Variants in YBX2 observed in about 807,000 individuals in gnomAD.
YBX2 encodes the protein Y-box binding protein 2, also known as Y-box-binding protein 2.
YBX2 carries 5 observed loss-of-function variants against 44.4 expected under a neutral mutation model. That is an observed-to-expected ratio of 0.11 (90% CI 0.06 to 0.24). YBX2 has a LOEUF of 0.24. Ranked by LOEUF, YBX2 falls within the 10% of genes least tolerant of loss-of-function variation. YBX2 has a pLI of 1.00. For missense variants in YBX2, 417 were observed against 526.9 expected (o/e 0.79, Z 2.04); for synonymous variants, 188 against 216.1 (o/e 0.87, Z 1.14).
chr17:7,293,112 G>A (rs1293358078), intron 2 of YBX2: 1 of 340,660 alleles, frequency 2.9e-6, no homozygotes, highest in Non-Finnish European at 5.7e-6. Flanking sequence ...CAGGAAATCA[G>A]TTGAGGATTC....
Position 7,294,504 on chromosome 17 carries a change from G to T in YBX2, c.-4C>A. 6.8e-7 allele frequency: 1 copy of T among 1,466,970 alleles called. No homozygotes were observed. The highest frequency in any genetic ancestry group is 9.0e-7 in the Non-Finnish European group (1 of 1,111,168). The allele number at this position is 1,466,970 out of a possible 1,614,324, so 90.9% of individuals were successfully genotyped here. ...CTGCCGCCTCCACCTCGCTCATCCC[G>T]CCGGGTCCAGTACCGGCCACAGCCG... is the stretch of plus-strand genomic sequence containing the variant. On this transcript the variant is annotated 5_prime_UTR_variant, in exon 1 of 9. Coordinates refer to ENST00000007699, the MANE Select transcript of YBX2 (RefSeq NM_015982.4). This position sits in a 1 kb window ranked among gnomAD's most constrained non-coding sequence, Gnocchi z 4.6.
At chr17:7,293,668 G>A in intron 1 of YBX2, 130 bp from the exon 2 acceptor site, 1 of 1,534,326 alleles carries the variant, frequency 6.5e-7, no homozygotes, top group Non-Finnish European at 8.8e-7. Context: ...TTACCTTCAA[G>A]CCAACCAGGT....
intron 2 of YBX2, 188 bp from the exon 3 acceptor site, chr17:7,292,247 G>A: frequency 1.5e-6 from 1 of 680,374 alleles, no homozygotes; most frequent in Non-Finnish European, 2.6e-6. Context: ...TGTAAAGAGA[G>A]ATACACCTAA....
In YBX2 at chr17:7,294,322, G is replaced by A; in HGVS notation, c.179C>T (p.Ala60Val). 1 of 1,287,358 alleles carries A rather than the reference G, an allele frequency of 7.8e-7. No homozygotes were observed. Among genetic ancestry groups the A allele is most frequent in the East Asian group, 3.1e-5 (1 of 31,936 alleles). 79.7% of individuals were successfully genotyped at this position (1,287,358 alleles called of 1,614,324 possible). A position where few individuals can be genotyped will look rare whatever the true frequency, so the allele number is the denominator to read the frequency against. Residue 60 changes from alanine (A) to valine (V), a missense_variant, in exon 1 of 9, where the codon GCG becomes GTG. Coordinates refer to ENST00000007699, the MANE Select transcript of YBX2 (RefSeq NM_015982.4). The surrounding 1 kb of genome is among the most constrained non-coding windows in gnomAD (Gnocchi z 4.6). The part of the protein sequence containing the change: ...ASGPAAGTPS[A>V]PGSRTPGNPA... ...ATTGCCAGGGGTGCGGGAGCCCGGC[G>A]CCGAGGGGGTCCCAGCAGCGGGGCC...
chr17:7,292,520 G>A (rs1279656916), intron 2 of YBX2: 1 of 202,268 alleles, frequency 4.9e-6, no homozygotes, highest in East Asian at 1.1e-4. Flanking sequence ...GGCAGAACAA[G>A]TTTGAGAAGG....
intron 1 of YBX2, 24 bp from the exon 2 acceptor site, chr17:7,293,562 G>T (rs1190823633): frequency 1.2e-6 from 2 of 1,613,994 alleles, no homozygotes; most frequent in African/African-American, 2.7e-5. Context: ...ATGCAGTGGG[G>T]ACAGTGAGAT....
rs906118880 is a variant in YBX2 at position 7,291,704 on chromosome 17, C to T, written c.369+322G>A. On this transcript the variant is annotated intron_variant, in intron 3 of 8. Transcript: ENST00000007699. This position sits in a 1 kb window ranked among gnomAD's most constrained non-coding sequence, Gnocchi z 5.8. ...TTCGGATGTCAGGTGATGCTGCTGC[C>T]GCTGGTGCAGGGGCCACGCTTTGAG... The T allele has an allele frequency of 2.6e-5, 11 of 427,020 alleles. No homozygotes were observed. Among genetic ancestry groups the T allele is most frequent in the South Asian group, 1.9e-4 (8 of 42,110 alleles). 26.5% of individuals were successfully genotyped at this position (427,020 alleles called of 1,614,324 possible). A position where few individuals can be genotyped will look rare whatever the true frequency, so the allele number is the denominator to read the frequency against.
chr17:7,289,909 C>T, intron 6 of YBX2, 59 bp downstream of exon 6: 5 of 1,607,018 alleles, frequency 3.1e-6, no homozygotes, highest in Non-Finnish European at 4.3e-6. Flanking sequence ...CCTCCTGTCC[C>T]TTGCCCCAAG....
chr17:7,294,545 C>G lies in YBX2; in HGVS notation c.-45G>C. On this transcript the variant is annotated 5_prime_UTR_variant, in exon 1 of 9. Transcript: ENST00000007699. This position sits in a 1 kb window ranked among gnomAD's most constrained non-coding sequence, Gnocchi z 4.6. ...GCCACAGCCGCCACCGCCCCGGCCC[C>G]TCCCCCCGGCTCGCGAACCCACCGC... 1.4e-6 allele frequency: 2 copies of G among 1,407,366 alleles called. No homozygotes were observed. Among genetic ancestry groups the G allele is most frequent in the South Asian group, 1.4e-5 (1 of 71,408 alleles). The allele number at this position is 1,407,366 out of a possible 1,614,324, so 87.2% of individuals were successfully genotyped here.
rs972571840 is a variant in YBX2 at position 7,291,189 on chromosome 17, G to A, written c.370-7C>T. 1 of 1,613,864 alleles carries A rather than the reference G, an allele frequency of 6.2e-7. No individual in the cohort carries two copies. Among genetic ancestry groups the A allele is most frequent in the Non-Finnish European group, 8.5e-7 (1 of 1,179,918 alleles). On this transcript the variant is annotated splice_polypyrimidine_tract_variant and splice_region_variant and intron_variant, in intron 3 of 8. Coordinates refer to ENST00000007699, the MANE Select transcript of YBX2 (RefSeq NM_015982.4). The surrounding 1 kb of genome is among the most constrained non-coding windows in gnomAD (Gnocchi z 5.8). Reference sequence around the variant, plus strand: ...TGTTTCTTTTAATAGCTGTCTGATTGGGGAAAAGGCCATGTGAAAAGTGAG... The same window carrying A: ...TGTTTCTTTTAATAGCTGTCTGATTAGGGAAAAGGCCATGTGAAAAGTGAG...
At chr17:7,289,152 G>A (rs1597602555) in intron 7 of YBX2, among the ~76,000 whole-genome samples, 1 of 152,118 alleles carries the variant, frequency 6.6e-6, no homozygotes, top group Non-Finnish European at 1.5e-5. Flanking sequence ...ATGAGACATC[G>A]CGCAGGGCTG....
Position 7,290,089 on chromosome 17 carries a change from C to T in YBX2, c.745-18G>A, listed in dbSNP as rs1440323037. 3.7e-6 allele frequency: 6 copies of T among 1,613,714 alleles called. No homozygotes were observed. The East Asian group carries it at 8.9e-5, about 24-fold the overall frequency. On this transcript the variant is annotated intron_variant, in intron 5 of 8. Coordinates refer to ENST00000007699, the MANE Select transcript of YBX2 (RefSeq NM_015982.4). ...TCAGTGCCCTGGGAACATGCAAAGGCCCCGGTGAGCTGTGGGGACAGCAGC... is the reference window on the plus strand; with the variant it reads ...TCAGTGCCCTGGGAACATGCAAAGGTCCCGGTGAGCTGTGGGGACAGCAGC...
intron 2 of YBX2, 59 bp from the exon 3 acceptor site, chr17:7,292,118 T>C (rs368842249): frequency 6.2e-7 from 1 of 1,603,034 alleles, no homozygotes; most frequent in Non-Finnish European, 8.5e-7. Context: ...AGCTCCTCAC[T>C]GAGGTCCCCC....
chr17:7,289,566 C>A lies in YBX2; in HGVS notation c.1008G>T (p.Gln336His). The stretch of plus-strand genomic sequence containing the variant: ...CGGGCTGCCGGGGGCCAGGGGCCTG[C>A]TGGGGGCCAGGGGCCTGCTGCCGTC... ...QRRRQQAPGP[Q>H]QAPGPRQPAA... is the part of the protein sequence containing the mutation. The change falls in exon 7 of 9, where the codon CAG becomes CAT. Residue 336 changes from glutamine to histidine, a missense_variant. This residue lies in a region of YBX2 where 257 missense variants were observed against 261.7 expected (regional missense o/e 0.98). Coordinates refer to ENST00000007699, the MANE Select transcript of YBX2 (RefSeq NM_015982.4). The A allele has an allele frequency of 6.2e-7, 1 of 1,606,400 alleles. No individual in the cohort carries two copies. Among genetic ancestry groups the A allele is most frequent in the South Asian group, 1.1e-5 (1 of 90,752 alleles).
chr17:7,294,143 G>A lies in YBX2; in HGVS notation c.271+87C>T. On this transcript the variant is annotated intron_variant, in intron 1 of 8. Coordinates refer to ENST00000007699, the MANE Select transcript of YBX2 (RefSeq NM_015982.4). The surrounding 1 kb of genome is among the most constrained non-coding windows in gnomAD (Gnocchi z 4.6). ...TGGGCCTGCGGGCCAGGCCGCCTTT[G>A]GTTTTCCGGATCCTGCCGGGCTCCA... The A allele has an allele frequency of 8.2e-7, 1 of 1,224,988 alleles. No individual in the cohort carries two copies. Among genetic ancestry groups the A allele is most frequent in the Non-Finnish European group, 1.0e-6 (1 of 981,470 alleles). The allele number at this position is 1,224,988 out of a possible 1,614,324, so 75.9% of individuals were successfully genotyped here. A position where few individuals can be genotyped will look rare whatever the true frequency, so the allele number is the denominator to read the frequency against.
chr17:7,290,150 C>T (rs2072490293), intron 5 of YBX2, 79 bp from the exon 6 acceptor site: 1 of 1,611,084 alleles, frequency 6.2e-7, no homozygotes, highest in Non-Finnish European at 8.5e-7. Context: ...CTCTGCCCAA[C>T]CCTCAGTTCC....
In YBX2 at chr17:7,288,631, A is replaced by C; in HGVS notation, c.*52T>G. ...GGGTAGGGTACAGGTCATTTGGAAA[A>C]ACTGGCAGATACCTGAGAGAGAAAA... On this transcript the variant is annotated 3_prime_UTR_variant, in exon 9 of 9. Coordinates refer to ENST00000007699, the MANE Select transcript of YBX2 (RefSeq NM_015982.4). 1 of 832,260 alleles carries C rather than the reference A, an allele frequency of 1.2e-6. No homozygotes were observed. The highest frequency in any genetic ancestry group is 1.7e-5 in the South Asian group (1 of 60,530). The allele number at this position is 832,260 out of a possible 1,614,324, so 51.6% of individuals were successfully genotyped here. A position where few individuals can be genotyped will look rare whatever the true frequency, so the allele number is the denominator to read the frequency against.
At chr17:7,290,892 C>T (rs1036929690) in intron 4 of YBX2, among the ~76,000 whole-genome samples, 1 of 152,186 alleles carries the variant, frequency 6.6e-6, no homozygotes, top group Non-Finnish European at 1.5e-5. Context: ...GAAACCCAGA[C>T]ACTGCCGACC....
chr17:7,289,554 G>A lies in YBX2; in HGVS notation c.1020C>T (p.Gly340=). ...QQAPGPQQAP[G]PRQPAAPETS... ...CCTCAGGGGCTGCGGGCTGCCGGGG[G>A]CCAGGGGCCTGCTGGGGGCCAGGGG... Residue 340 remains glycine (G), a synonymous_variant, in exon 7 of 9, where the codon GGC becomes GGT. Coordinates refer to ENST00000007699, the MANE Select transcript of YBX2 (RefSeq NM_015982.4). The A allele has an allele frequency of 6.2e-7, 1 of 1,604,430 alleles. No homozygotes were observed. Among genetic ancestry groups the A allele is most frequent in the African/African-American group, 1.4e-5 (1 of 71,760 alleles).
Sources: allele counts gnomAD v4.1 joint callset (sites outside exome capture counted in the v4.1 genomes callset), GRCh38; gene constraint gnomAD v4.1.1; regional missense constraint gnomAD v4.1.1; non-coding constraint Gnocchi (gnomAD v3.1); transcripts MANE v1.5; gene names NCBI Gene and HGNC (gene_info 2026-07-23, HGNC 2026-07-21).